IQANK1: variants seen among roughly 807,000 people sequenced by gnomAD.
IQANK1 encodes IQ motif and ankyrin repeat containing 1, also known as IQ motif and ankyrin repeat domain-containing protein 1.
In IQANK1, 30 loss-of-function variants were observed where a neutral mutation model predicts 22.6. The ratio of observed to expected loss-of-function variants is 1.33; its 90% CI spans 0.99 to 1.80. The LOEUF (loss-of-function observed/expected upper bound fraction) is 1.80, where lower values mean the gene tolerates loss of function less well. Ranked by LOEUF, IQANK1 falls within the 40% of genes most tolerant of loss-of-function variation. IQANK1 has a pLI of 0.00. For synonymous variants in IQANK1, 122 were observed against 99.6 expected, an observed-to-expected ratio of 1.23 and a Z score of -1.34; for missense variants, 275 against 235.2, an observed-to-expected ratio of 1.17 and a Z score of -1.11.
chr8:143,752,599 T>A (rs1331355516), intron 3 of IQANK1, among the ~76,000 whole-genome samples: 1 of 152,208 alleles, frequency 6.6e-6, no homozygotes, highest in Non-Finnish European at 1.5e-5. Context: ...ACTGCATATA[T>A]GATGGTGGTC....
rs1476534441 is a variant in IQANK1, at chr8:143,773,321, A to C, written c.789+839A>C. On this transcript the variant is annotated intron_variant, in intron 7 of 13. Transcript: ENST00000527139. ...GACTCAAAAAAAAAAAAAAAACAAAAAAAACACAAAAAAAACAGAGTCTGC... is the reference window on the plus strand; with the variant it reads ...GACTCAAAAAAAAAAAAAAAACAAACAAAACACAAAAAAAACAGAGTCTGC... Among the ~76,000 whole-genome samples, 71 of 127,336 alleles carry C rather than the reference A, an allele frequency of 5.6e-4. 1 individual carries two copies. The highest frequency in any genetic ancestry group is 1.7e-3 in the South Asian group (7 of 4,006). 83.5% of individuals were successfully genotyped at this position (127,336 alleles called of 152,430 possible).
At chr8:143,748,454 A>T (rs905000713) in intron 3 of IQANK1, among the ~76,000 whole-genome samples, 2 of 142,808 alleles carry the variant, frequency 1.4e-5, no homozygotes, top group African/African-American at 5.1e-5. Flanking sequence ...TATATATCAT[A>T]TATAAATATA....
intron 7 of IQANK1, among the ~76,000 whole-genome samples, chr8:143,787,779 C>T (rs1010864272): frequency 6.6e-6 from 1 of 152,280 alleles, no homozygotes; most frequent in East Asian, 1.9e-4. Flanking sequence ...TGTCTTCATC[C>T]TTCCCACGCC....
chr8:143,735,205 C>T lies in IQANK1; in HGVS notation c.-4-645C>T, dbSNP rs1382878110. On this transcript the variant is annotated intron_variant, in intron 1 of 13. Coordinates refer to ENST00000527139, the MANE Select transcript of IQANK1 (RefSeq NM_001381874.1). This position sits in a 1 kb window ranked among gnomAD's most constrained non-coding sequence, Gnocchi z 5.2. ...CAGTGCCCAGGCAACTGTGCTGCAGCGGGTGAGGGGCATGGGGCACCGGGG... is the reference window on the plus strand; with the variant it reads ...CAGTGCCCAGGCAACTGTGCTGCAGTGGGTGAGGGGCATGGGGCACCGGGG... Among the ~76,000 whole-genome samples, 2 of 152,170 alleles carry T rather than the reference C, an allele frequency of 1.3e-5. No individual in the cohort carries two copies. Among genetic ancestry groups the T allele is most frequent in the Non-Finnish European group, 2.9e-5 (2 of 68,032 alleles).
intron 11 of IQANK1, 31 bp downstream of exon 11, chr8:143,789,900 C>CT (rs1819989487): frequency 8.1e-7 from 1 of 1,231,698 alleles, no homozygotes; most frequent in Admixed American, 4.2e-5. Flanking sequence ...CGGCTGGGGG[C>CT]TGGGACATAC....
At chr8:143,736,701 T>G (rs1421246566) in intron 2 of IQANK1, among the ~76,000 whole-genome samples, 3 of 152,194 alleles carry the variant, frequency 2.0e-5, no homozygotes, top group Non-Finnish European at 4.4e-5. Context: ...CCCAGTCACC[T>G]TCTCCATAGT....
intron 3 of IQANK1, among the ~76,000 whole-genome samples, chr8:143,751,656 G>GTATATATATATATATATA (rs1430170946): frequency 2.8e-4 from 11 of 39,656 alleles, no homozygotes; most frequent in East Asian, 6.5e-4. Flanking sequence ...GTGTGTGTGT[G>GTATATATATATATATATA]TGTGTGTGTA....
Position 143,767,056 on chromosome 8 carries a change from G to A in IQANK1, c.176-4432G>A, listed in dbSNP as rs782273356. ...GTGAGAACATCGCACTGTCTTCACC[G>A]ACATGAGGTCCTAATATCAAGAAAA... On this transcript the variant is annotated intron_variant, in intron 3 of 13. Coordinates refer to ENST00000527139, the MANE Select transcript of IQANK1 (RefSeq NM_001381874.1). Among the ~76,000 whole-genome samples, 17 of 152,248 alleles carry A rather than the reference G, an allele frequency of 1.1e-4. 2 individuals carry two copies. The highest frequency in any genetic ancestry group is 2.4e-4 in the Non-Finnish European group (16 of 68,052).
At chr8:143,752,995 C>CATT (rs1563771948) in intron 3 of IQANK1, among the ~76,000 whole-genome samples, 8 of 74,700 alleles carry the variant, frequency 1.1e-4, no homozygotes, top group African/African-American at 3.8e-4. Flanking sequence ...ACTCTCTGTT[C>CATT]GTTTTTTTTT....
chr8:143,786,216 ACT>A (rs755727099), intron 7 of IQANK1, among the ~76,000 whole-genome samples: 6 of 151,874 alleles, frequency 4.0e-5, no homozygotes, highest in African/African-American at 7.3e-5. Context: ...GGTATTTTTC[ACT>A]CTTTTTTCAC....
At chr8:143,782,539 G>A (rs925172591) in intron 7 of IQANK1, among the ~76,000 whole-genome samples, 54 of 151,782 alleles carry the variant, frequency 3.6e-4, no homozygotes, top group African/African-American at 1.1e-3. Flanking sequence ...GGAGTGCAAC[G>A]GCACAATCTT....
intron 2 of IQANK1, among the ~76,000 whole-genome samples, chr8:143,736,284 C>G (rs1251677790): frequency 6.6e-6 from 1 of 151,998 alleles, no homozygotes; most frequent in East Asian, 1.9e-4. Context: ...GGATTATGGA[C>G]GTGCGCCACC....
chr8:143,783,661 A>T (rs1819836567), intron 7 of IQANK1, among the ~76,000 whole-genome samples: 1 of 152,200 alleles, frequency 6.6e-6, no homozygotes, highest in South Asian at 2.1e-4. Flanking sequence ...TCCCAAGGAC[A>T]TAAAGATATT....
chr8:143,767,536 TTACA>T (rs1554629326), intron 3 of IQANK1, among the ~76,000 whole-genome samples: 1 of 152,204 alleles, frequency 6.6e-6, no homozygotes, highest in African/African-American at 2.4e-5. Context: ...GATTAACATC[TTACA>T]TAGAGACAGT....
chr8:143,782,765 C>T (rs556564739), intron 7 of IQANK1, among the ~76,000 whole-genome samples: 24 of 152,346 alleles, frequency 1.6e-4, no homozygotes, highest in African/African-American at 4.3e-4. Context: ...TATGAGCCAC[C>T]GTGCCTGGCC....
intron 7 of IQANK1, among the ~76,000 whole-genome samples, chr8:143,779,499 A>C (rs1039751057): frequency 6.6e-6 from 1 of 152,220 alleles, no homozygotes; most frequent in Non-Finnish European, 1.5e-5. Flanking sequence ...TTCATGTATC[A>C]GTTCATCATT....
intron 7 of IQANK1, among the ~76,000 whole-genome samples, chr8:143,777,910 T>A: frequency 6.6e-6 from 1 of 152,042 alleles, no homozygotes; most frequent in East Asian, 1.9e-4. Context: ...AAAGATGGAT[T>A]GTTGCCGGGC....
chr8:143,748,737 TATATAAATATATATC>T (rs1819096539), intron 3 of IQANK1, among the ~76,000 whole-genome samples: 1 of 108,944 alleles, frequency 9.2e-6, no homozygotes, highest in African/African-American at 4.0e-5. Context: ...CATATATAAA[TATATAAATATATATC>T]ATATAAATAT....
At chr8:143,748,645 A>G (rs1443457467) in intron 3 of IQANK1, among the ~76,000 whole-genome samples, 1 of 125,474 alleles carries the variant, frequency 8.0e-6, no homozygotes, top group Non-Finnish European at 1.6e-5. Context: ...ATAAATATAT[A>G]AATATATATC....
Sources: gnomAD v4.1 joint callset for allele counts (sites outside exome capture counted in the v4.1 genomes callset) on GRCh38, gnomAD v4.1.1 for gene constraint, Gnocchi (gnomAD v3.1) non-coding constraint, MANE v1.5 for transcripts, NCBI Gene and HGNC (gene_info 2026-07-23, HGNC 2026-07-21) for gene names.